Variants in ASTN1 observed in about 807,000 individuals in gnomAD.
ASTN1 encodes the protein astrotactin 1.
A neutral mutation model predicts 140.7 loss-of-function variants in ASTN1; 41 were observed. The observed-to-expected ratio is 0.29, with a 90% confidence interval of 0.23 to 0.38. The LOEUF (loss-of-function observed/expected upper bound fraction) is 0.38. Ranked by LOEUF, ASTN1 falls within the 10% of genes least tolerant of loss-of-function variation. The pLI, the probability that ASTN1 is intolerant of heterozygous loss-of-function variation, is 1.00. For synonymous variants in ASTN1, 640 were observed against 652.2 expected, an observed-to-expected ratio of 0.98 and a Z score of 0.29; for missense variants, 1,479 against 1,678.8, an observed-to-expected ratio of 0.88 and a Z score of 2.08.
intron 6 of ASTN1, 42 bp downstream of exon 6, chr1:177,024,541 T>G: frequency 1.2e-6 from 2 of 1,601,940 alleles, no homozygotes; most frequent in Non-Finnish European, 1.7e-6. Flanking sequence ...AAAACTTTCC[T>G]TTTTGGGGGG....
In ASTN1 at chr1:176,937,785, A is replaced by T. The variant is rs141679543; in HGVS notation, c.2378-1415T>A. On this transcript the variant is annotated intron_variant, in intron 14 of 22. Coordinates refer to ENST00000361833, the MANE Select transcript of ASTN1 (RefSeq NM_004319.3). ...TATGCATAGAATGTGTGGTGTGTGC[A>T]CATGTCTACAAATATAATGGCAATA... Among the ~76,000 whole-genome samples, 17 of 152,280 alleles carry T rather than the reference A, an allele frequency of 1.1e-4. No individual in the cohort carries two copies. In the East Asian group the frequency reaches 3.3e-3, roughly 29 times the overall value.
At chr1:176,987,206 G>C (rs1673946684) in intron 8 of ASTN1, among the ~76,000 whole-genome samples, 2 of 152,214 alleles carry the variant, frequency 1.3e-5, no homozygotes, top group Middle Eastern at 3.4e-3. Context: ...ATACTTTTTT[G>C]GTAAGTGGCC....
chr1:177,065,822 A>T (rs1479888493), intron 1 of ASTN1, among the ~76,000 whole-genome samples: 3 of 152,204 alleles, frequency 2.0e-5, no homozygotes, highest in African/African-American at 7.2e-5. Flanking sequence ...GAACTAGGCC[A>T]CAATTTAGAA....
At chr1:177,133,747 T>C (rs1450716143) in intron 1 of ASTN1, among the ~76,000 whole-genome samples, 1 of 152,212 alleles carries the variant, frequency 6.6e-6, no homozygotes, top group Non-Finnish European at 1.5e-5. Context: ...CCTGTAAAGG[T>C]CTAGTTTATT....
intron 9 of ASTN1, among the ~76,000 whole-genome samples, chr1:176,963,497 G>A (rs1440134320): frequency 6.6e-6 from 1 of 152,172 alleles, no homozygotes; most frequent in African/African-American, 2.4e-5. Flanking sequence ...TTAACCCACT[G>A]GCTCCTGAGA....
intron 17 of ASTN1, among the ~76,000 whole-genome samples, chr1:176,889,303 G>T (rs970898583): frequency 2.6e-5 from 4 of 152,192 alleles, no homozygotes; most frequent in Non-Finnish European, 5.9e-5. Flanking sequence ...GCTGGTCCAA[G>T]CTAGCCAAGT....
intron 16 of ASTN1, among the ~76,000 whole-genome samples, chr1:176,926,096 C>T (rs988650933): frequency 5.9e-5 from 9 of 152,012 alleles, no homozygotes; most frequent in Non-Finnish European, 1.0e-4. Context: ...TGTGAGCCAC[C>T]GCACCCAGCC....
intron 2 of ASTN1, among the ~76,000 whole-genome samples, chr1:177,055,384 C>A (rs1398856185): frequency 3.9e-5 from 6 of 152,202 alleles, no homozygotes; most frequent in Non-Finnish European, 1.5e-5. Flanking sequence ...GTAAGCCAAA[C>A]CTTAGTTGGC....
intron 8 of ASTN1, among the ~76,000 whole-genome samples, chr1:176,993,588 C>A (rs1330313391): frequency 6.6e-6 from 1 of 152,134 alleles, no homozygotes; most frequent in African/African-American, 2.4e-5. Flanking sequence ...AGTCTAGCTG[C>A]ATTCATCTCG....
chr1:176,948,002 A>G (rs980525223), intron 12 of ASTN1, among the ~76,000 whole-genome samples: 7 of 152,210 alleles, frequency 4.6e-5, no homozygotes, highest in Non-Finnish European at 1.5e-5. Flanking sequence ...GCAAGCTTCC[A>G]TTTATGGTAT....
At position 176,945,991 on chromosome 1, in the gene ASTN1, C is replaced by T. The variant is rs1418561396; in HGVS notation, c.2184G>A (p.Met728Ile). Residue 728 changes from methionine to isoleucine, a missense_variant, in exon 13 of 23, where the codon ATG (methionine) becomes ATA (isoleucine). By Grantham distance (10) the Met-to-Ile change is conservative. Transcript: ENST00000361833. ...TGGAATGGTTGTTGTAACCAAAGAA[C>T]ATCTCCCCAAAGAGGGTCTGGTTCA... ...LPMNQTLFGE[M>I]FFGYNNHSKE... 2 of 1,614,118 alleles carry T rather than the reference C, an allele frequency of 1.2e-6. No homozygotes were observed. Among genetic ancestry groups the T allele is most frequent in the Admixed American group, 1.7e-5 (1 of 60,022 alleles).
rs1001897121 is a variant in ASTN1 at position 176,885,910 on chromosome 1, A to G, written c.3075-1420T>C. On this transcript the variant is annotated intron_variant, in intron 18 of 22. Transcript: ENST00000361833. ...AATTCAACTAGTGGGAAAATAATAC[A>G]AAACACATGCTCTTCTGTTAGTGAA... 3.9e-5 allele frequency among the ~76,000 whole-genome samples: 6 copies of G among 152,302 alleles called. No homozygotes were observed. In the East Asian group the frequency reaches 1.2e-3, roughly 29 times the overall value.
intron 14 of ASTN1, among the ~76,000 whole-genome samples, chr1:176,940,740 G>A (rs750883559): frequency 3.3e-5 from 5 of 152,194 alleles, no homozygotes; most frequent in Non-Finnish European, 7.3e-5. Flanking sequence ...GAAGAGGGAA[G>A]CCAGCAGCAA....
intron 16 of ASTN1, among the ~76,000 whole-genome samples, chr1:176,915,435 T>C (rs1226915666): frequency 6.6e-6 from 1 of 152,124 alleles, no homozygotes; most frequent in Non-Finnish European, 1.5e-5. Context: ...ACATTACAGA[T>C]GTACAAGATC....
In ASTN1 at chr1:176,863,452, T is replaced by A. The variant is rs1668031706; in HGVS notation, c.*832A>T. 1 of 985,650 alleles carries A rather than the reference T, an allele frequency of 1.0e-6. No individual in the cohort carries two copies. The highest frequency in any genetic ancestry group is 1.7e-5 in the African/African-American group (1 of 57,204). 61.1% of individuals were successfully genotyped at this position (985,650 alleles called of 1,614,324 possible). A position where few individuals can be genotyped will look rare whatever the true frequency, so the allele number is the denominator to read the frequency against. ...TCTATCCAAAGGAAGCATGGTTTTT[T>A]TAAAAAACAATAAACTCCAAGTCTC... On this transcript the variant is annotated 3_prime_UTR_variant, in exon 23 of 23. Coordinates refer to ENST00000361833, the MANE Select transcript of ASTN1 (RefSeq NM_004319.3).
chr1:177,144,771 C>T (rs1682646670), intron 1 of ASTN1, among the ~76,000 whole-genome samples: 1 of 151,846 alleles, frequency 6.6e-6, no homozygotes, highest in African/African-American at 2.4e-5. Context: ...AAAATGATTT[C>T]CCAATAGATA....
intron 21 of ASTN1, among the ~76,000 whole-genome samples, chr1:176,875,019 G>A (rs1668503611): frequency 6.6e-6 from 1 of 152,170 alleles, no homozygotes; most frequent in Non-Finnish European, 1.5e-5. Context: ...GTCTAGTGAG[G>A]TAGAAAGGCA....
intron 8 of ASTN1, among the ~76,000 whole-genome samples, chr1:176,995,746 A>G (rs987042086): frequency 3.9e-5 from 6 of 152,146 alleles, no homozygotes; most frequent in African/African-American, 1.4e-4. Context: ...AATGGACATA[A>G]ATTTTAGATA....
chr1:177,162,970 G>A (rs765572953), intron 1 of ASTN1, among the ~76,000 whole-genome samples: 14 of 152,266 alleles, frequency 9.2e-5, no homozygotes, highest in East Asian at 5.8e-4. Flanking sequence ...GCTGCACTCC[G>A]GGAACTATAA....
Sources: allele counts gnomAD v4.1 joint callset (sites outside exome capture counted in the v4.1 genomes callset), GRCh38; gene constraint gnomAD v4.1.1; transcripts MANE v1.5; gene names NCBI Gene and HGNC (gene_info 2026-07-23, HGNC 2026-07-21).